Variants in DOCK8 observed in about 807,000 individuals in gnomAD.
DOCK8 encodes dedicator of cytokinesis 8, also known as dedicator of cytokinesis protein 8.
In DOCK8, 141 loss-of-function variants were observed where a neutral mutation model predicts 245.6. The ratio of observed to expected loss-of-function variants is 0.57; its 90% CI spans 0.50 to 0.66. The LOEUF is 0.66. Ranked by LOEUF, DOCK8 falls within the 30% of genes least tolerant of loss-of-function variation. The pLI, the probability that DOCK8 is intolerant of heterozygous loss-of-function variation, is 0.00. For synonymous variants in DOCK8, 1,168 were observed against 970.2 expected, an observed-to-expected ratio of 1.20 and a Z score of -3.79; for missense variants, 2,965 against 2,603.4, an observed-to-expected ratio of 1.14 and a Z score of -3.02.
Position 312,051 on chromosome 9 carries a change from G to A in DOCK8, c.626G>A (p.Arg209Gln), listed in dbSNP as rs151262535. The part of the protein sequence containing the change: ...FDLRSLQPDK[R>Q]LENLLQQVSA... ...CTCCGCAGCCTGCAGCCTGACAAGC[G>A]GCTAGAAAACCTCCTGCAGCAAGTG... Residue 209 changes from arginine (R) to glutamine (Q), a missense_variant, in exon 6 of 48, where the codon CGG becomes CAG. By Grantham distance (43) the Arg-to-Gln change is conservative. Around this residue, in one of 3 missense-constraint regions of DOCK8, gnomAD observed 2,825 missense variants for 2,453.5 expected, o/e 1.15. Coordinates refer to ENST00000432829, the MANE Select transcript of DOCK8 (RefSeq NM_203447.4). 124 of 1,614,200 alleles carry A rather than the reference G, an allele frequency of 7.7e-5. No individual in the cohort carries two copies. Among genetic ancestry groups the A allele is most frequent in the African/African-American group, 5.7e-4 (43 of 75,052 alleles).
intron 10 of DOCK8, 124 bp downstream of exon 10, chr9:332,602 T>G: frequency 1.9e-6 from 1 of 537,050 alleles, no homozygotes; most frequent in Non-Finnish European, 3.4e-6. Context: ...CACTACTACA[T>G]TTTAATTAAA....
At chr9:337,449 C>T (rs2051365183) in intron 12 of DOCK8, among the ~76,000 whole-genome samples, 1 of 152,122 alleles carries the variant, frequency 6.6e-6, no homozygotes, top group South Asian at 2.1e-4. Flanking sequence ...CTATCTTGGC[C>T]AATCCATTCA....
rs1564016919 is a variant in DOCK8 at position 400,967 on chromosome 9, T to TTTCCTATCA, written c.3234+1708_3234+1709insTTCCTATCA. 3.1e-4 allele frequency among the ~76,000 whole-genome samples: 13 copies of TTTCCTATCA among 42,354 alleles called. 3 individuals carry two copies. The African/African-American group carries it at 4.6e-3, about 15-fold the overall frequency. 27.8% of individuals were successfully genotyped at this position (42,354 alleles called of 152,430 possible). On this transcript the variant is annotated intron_variant, in intron 26 of 47. Transcript: ENST00000432829. ...CACCATCACCACCACCACCACCACC[T>TTTCCTATCA]CCTCCACCATCACCACCTCCTCCAC...
At chr9:429,526 T>C (rs1336491307) in intron 35 of DOCK8, among the ~76,000 whole-genome samples, 176 bp from the exon 36 acceptor site, 1 of 152,242 alleles carries the variant, frequency 6.6e-6, no homozygotes, top group Non-Finnish European at 1.5e-5. Flanking sequence ...AAATCTCAAG[T>C]CTACTCCATT....
chr9:314,033 C>G (rs941425538), intron 6 of DOCK8, among the ~76,000 whole-genome samples: 11 of 152,148 alleles, frequency 7.2e-5, no homozygotes, highest in African/African-American at 2.7e-4. Flanking sequence ...AGAGCTTTTT[C>G]AAGATTCAAC....
At chr9:262,935 G>A (rs936714976) in intron 1 of DOCK8, among the ~76,000 whole-genome samples, 2 of 152,180 alleles carry the variant, frequency 1.3e-5, no homozygotes, top group African/African-American at 4.8e-5. Context: ...GGCAGGGCAC[G>A]GTGGCTCCCG....
chr9:438,632 G>A (rs552296431), intron 39 of DOCK8, among the ~76,000 whole-genome samples: 1 of 152,266 alleles, frequency 6.6e-6, no homozygotes, highest in Non-Finnish European at 1.5e-5. Flanking sequence ...CCCAACCATG[G>A]TCTCTGCATG....
chr9:413,867 C>G (rs1253915264), intron 28 of DOCK8, among the ~76,000 whole-genome samples: 1 of 152,208 alleles, frequency 6.6e-6, no homozygotes, highest in Non-Finnish European at 1.5e-5. Flanking sequence ...AGGCTGGGCG[C>G]TCGGCGGCTC....
chr9:336,703 C>T lies in DOCK8; in HGVS notation c.1407C>T (p.Ser469=). The change falls in exon 12 of 48, where the codon AGC becomes AGT. Residue 469 remains serine, a synonymous_variant. Coordinates refer to ENST00000432829, the MANE Select transcript of DOCK8 (RefSeq NM_203447.4). The part of the protein sequence containing the change: ...SNFKTSTLSV[S]SFFKQEGDRL... ...TCAAAACCTCCACTCTGAGCGTTAG[C>T]AGCTTTTTCAAGCAGGTATCTCTTC... is the stretch of plus-strand genomic sequence containing the variant. 1.2e-6 allele frequency: 2 copies of T among 1,613,994 alleles called. No homozygotes were observed. The highest frequency in any genetic ancestry group is 1.7e-6 in the Non-Finnish European group (2 of 1,179,940).
At chr9:268,176 C>T (rs369304232) in intron 1 of DOCK8, 2 of 152,184 alleles carry the variant, frequency 1.3e-5, no homozygotes, top group Non-Finnish European at 2.9e-5. Context: ...TTCTTTTCCA[C>T]GTGGAATGAT....
rs999231324 is a variant in DOCK8 at position 361,036 on chromosome 9, C to G, written c.1680-6982C>G. 3.9e-4 allele frequency among the ~76,000 whole-genome samples: 59 copies of G among 152,042 alleles called. 1 individual carries two copies. Among genetic ancestry groups the G allele is most frequent in the Non-Finnish European group, 1.3e-4 (9 of 68,004 alleles). On this transcript the variant is annotated intron_variant, in intron 14 of 47. Coordinates refer to ENST00000432829, the MANE Select transcript of DOCK8 (RefSeq NM_203447.4). ...AAAAATTAGCCAGGCATTGTGGTGC[C>G]TTGAATCTGTAGTCCTAGAAACTTA...
intron 4 of DOCK8, among the ~76,000 whole-genome samples, chr9:302,448 T>C (rs538492747): frequency 3.9e-5 from 6 of 152,292 alleles, no homozygotes; most frequent in Admixed American, 2.6e-4. Context: ...TGGTAAAGAA[T>C]TTATGAATAA....
At chr9:301,875 G>A (rs951329772) in intron 4 of DOCK8, among the ~76,000 whole-genome samples, 8 of 152,112 alleles carry the variant, frequency 5.3e-5, no homozygotes, top group African/African-American at 1.2e-4. Context: ...AATATTCCAT[G>A]CTCGTGGATA....
chr9:256,591 G>A (rs2047781431), intron 1 of DOCK8, among the ~76,000 whole-genome samples: 1 of 152,144 alleles, frequency 6.6e-6, no homozygotes. Flanking sequence ...TTGGTTAGCT[G>A]GGGTGGGGTC....
chr9:214,809 C>G, upstream of DOCK8: 1 of 1,592,716 alleles, frequency 6.3e-7, no homozygotes, highest in South Asian at 1.1e-5. Flanking sequence ...CTCGGACCCT[C>G]CCCCGGGGTG....
chr9:339,978 T>A (rs1482348370), intron 13 of DOCK8, among the ~76,000 whole-genome samples, 181 bp from the exon 14 acceptor site: 1 of 152,250 alleles, frequency 6.6e-6, no homozygotes, highest in East Asian at 1.9e-4. Flanking sequence ...TTATAGAGGC[T>A]AAATCTCGAA....
intron 23 of DOCK8, among the ~76,000 whole-genome samples, chr9:387,518 G>C (rs7854917): frequency 6.6e-6 from 1 of 151,914 alleles, no homozygotes; most frequent in African/African-American, 2.4e-5. Flanking sequence ...TGCAAGAGCT[G>C]ACATCACAGG....
At position 420,520 on chromosome 9, in the gene DOCK8, A is replaced by G. The variant is rs542026985; in HGVS notation, c.3960A>G (p.Pro1320=). The change falls in exon 31 of 48, where the codon CCA becomes CCG. Residue 1320 remains proline, a synonymous_variant. Coordinates refer to ENST00000432829, the MANE Select transcript of DOCK8 (RefSeq NM_203447.4). ...TTAGGAAGTGGATTGCTGACCTGCC[A>G]TCAACGCAGCTCAACAGGATTTTAG... ...SLIRKWIADL[P]STQLNRILDL... 1.2e-6 allele frequency: 2 copies of G among 1,614,206 alleles called. No homozygotes were observed. Among genetic ancestry groups the G allele is most frequent in the East Asian group, 4.5e-5 (2 of 44,892 alleles).
chr9:428,423 A>G lies in DOCK8; in HGVS notation c.4400A>G (p.Asn1467Ser). The G allele has an allele frequency of 6.2e-7, 1 of 1,614,210 alleles. No homozygotes were observed. Among genetic ancestry groups the G allele is most frequent in the Non-Finnish European group, 8.5e-7 (1 of 1,180,036 alleles). ...GGAGGTGTTCTGAGGGTGCTGGTGA[A>G]TTCTCTGAACTGTGATCAGAGTACC... ...LLGGVLRVLV[N>S]SLNCDQSTTY... Residue 1467 changes from asparagine (N) to serine (S), a missense_variant, in exon 35 of 48, where the codon AAT (asparagine) becomes AGT (serine). Around this residue, in one of 3 missense-constraint regions of DOCK8, gnomAD observed 2,825 missense variants for 2,453.5 expected, o/e 1.15. Coordinates refer to ENST00000432829, the MANE Select transcript of DOCK8 (RefSeq NM_203447.4).
Sources: gnomAD v4.1 joint callset for allele counts (sites outside exome capture counted in the v4.1 genomes callset) on GRCh38, gnomAD v4.1.1 for gene constraint, gnomAD v4.1.1 regional missense constraint, MANE v1.5 for transcripts, NCBI Gene and HGNC (gene_info 2026-07-23, HGNC 2026-07-21) for gene names.